The following RELL1 variants were observed in gnomAD, a reference collection of about 807,000 sequenced individuals.
RELL1 encodes the protein RELT like 1.
In RELL1, 10 loss-of-function variants were observed where a neutral mutation model predicts 23.0. The ratio of observed to expected loss-of-function variants is 0.43; its 90% CI spans 0.27 to 0.74. The LOEUF (loss-of-function observed/expected upper bound fraction) is 0.74. RELL1 is among the 30% of genes least tolerant of loss of function. The pLI is 0.19. For synonymous variants in RELL1, 146 were observed against 146.8 expected (o/e 0.99, Z 0.04); for missense variants, 315 against 364.4 (o/e 0.86, Z 1.10).
chr4:37,633,156 C>T (rs915930105), intron 5 of RELL1, among the ~76,000 whole-genome samples: 4 of 152,168 alleles, frequency 2.6e-5, no homozygotes, highest in East Asian at 3.8e-4. Flanking sequence ...CACCTGTAAT[C>T]CCAACACTTT....
chr4:37,649,663 A>G (rs1054210591), intron 1 of RELL1, among the ~76,000 whole-genome samples, 163 bp from the exon 2 acceptor site: 1 of 152,242 alleles, frequency 6.6e-6, no homozygotes, highest in Non-Finnish European at 1.5e-5. Context: ...CCCAGGTTTG[A>G]GCTCAAACAG....
At chr4:37,674,360 G>A (rs1721944217) in intron 1 of RELL1, among the ~76,000 whole-genome samples, 1 of 152,204 alleles carries the variant, frequency 6.6e-6, no homozygotes, top group Admixed American at 6.5e-5. Context: ...CTATTAAAAA[G>A]GGCTGAGTTG....
chr4:37,651,953 G>A (rs765274471), intron 1 of RELL1, among the ~76,000 whole-genome samples: 3 of 152,248 alleles, frequency 2.0e-5, no homozygotes, highest in Non-Finnish European at 4.4e-5. Context: ...GTGGGTACAA[G>A]CTATACCACA....
At chr4:37,657,870 C>T (rs1721181355) in intron 1 of RELL1, among the ~76,000 whole-genome samples, 5 of 152,082 alleles carry the variant, frequency 3.3e-5, no homozygotes, top group African/African-American at 1.2e-4. Flanking sequence ...CATGATTGTG[C>T]CACTCTACTG....
At chr4:37,660,542 C>A (rs550035008) in intron 1 of RELL1, among the ~76,000 whole-genome samples, 1 of 152,294 alleles carries the variant, frequency 6.6e-6, no homozygotes, top group Non-Finnish European at 1.5e-5. Flanking sequence ...TGGCTATTTA[C>A]ACACACTCTC....
At chr4:37,672,366 T>C (rs1229135157) in intron 1 of RELL1, among the ~76,000 whole-genome samples, 2 of 151,996 alleles carry the variant, frequency 1.3e-5, no homozygotes, top group Non-Finnish European at 2.9e-5. Flanking sequence ...TTCCTATCAC[T>C]CAAGAAATCC....
At chr4:37,666,971 A>T (rs1456990497) in intron 1 of RELL1, among the ~76,000 whole-genome samples, 1 of 152,190 alleles carries the variant, frequency 6.6e-6, no homozygotes, top group Non-Finnish European at 1.5e-5. Flanking sequence ...AGCTCCAAGG[A>T]TCTGTCCCGG....
intron 1 of RELL1, among the ~76,000 whole-genome samples, chr4:37,664,372 CA>C (rs11286230): frequency 0.29 from 38,490 of 134,224 alleles, 5,304 homozygotes; most frequent in African/African-American, 0.41. Context: ...GACTCCATCT[CA>C]AAAAAAAAAA....
intron 1 of RELL1, among the ~76,000 whole-genome samples, chr4:37,658,555 A>G (rs1430098424): frequency 6.6e-6 from 1 of 152,182 alleles, no homozygotes; most frequent in African/African-American, 2.4e-5. Flanking sequence ...AATATTCCCA[A>G]CATCAAGGTC....
intron 6 of RELL1, among the ~76,000 whole-genome samples, chr4:37,630,318 T>G (rs1195636416): frequency 6.6e-6 from 1 of 150,798 alleles, no homozygotes; most frequent in Non-Finnish European, 1.5e-5. Flanking sequence ...GTTAAGCCAC[T>G]ATCAATTTAT....
intron 6 of RELL1, among the ~76,000 whole-genome samples, chr4:37,618,709 T>C (rs1253859052): frequency 6.6e-6 from 1 of 152,230 alleles, no homozygotes; most frequent in Non-Finnish European, 1.5e-5. Flanking sequence ...ATGCATGATA[T>C]TTATTAATTG....
chr4:37,604,164 G>A (rs1719089535), intron 6 of RELL1, among the ~76,000 whole-genome samples: 2 of 152,070 alleles, frequency 1.3e-5, no homozygotes, highest in African/African-American at 4.8e-5. Context: ...CCGTCACCAT[G>A]GGGAACAGAA....
At chr4:37,671,115 C>T (rs1218190521) in intron 1 of RELL1, among the ~76,000 whole-genome samples, 4 of 152,206 alleles carry the variant, frequency 2.6e-5, no homozygotes, top group African/African-American at 9.7e-5. Context: ...GTTAAATACT[C>T]AATCCCACAA....
chr4:37,626,785 A>G (rs1719967030), intron 6 of RELL1, among the ~76,000 whole-genome samples: 1 of 152,088 alleles, frequency 6.6e-6, no homozygotes, highest in Admixed American at 6.5e-5. Context: ...AGCCAGGCAC[A>G]GAACGACAAA....
intron 1 of RELL1, among the ~76,000 whole-genome samples, chr4:37,654,880 C>T (rs945820654): frequency 4.0e-5 from 6 of 151,602 alleles, no homozygotes; most frequent in African/African-American, 9.7e-5. Context: ...AAAATAAAAA[C>T]GCATGAAGGT....
chr4:37,671,260 G>A (rs1320027282), intron 1 of RELL1, among the ~76,000 whole-genome samples: 1 of 152,180 alleles, frequency 6.6e-6, no homozygotes, highest in African/African-American at 2.4e-5. Context: ...TATCAGAGGC[G>A]TTTGAACCAG....
At chr4:37,608,697 G>A (rs530177800), downstream of RELL1, among the ~76,000 whole-genome samples, 3 of 148,308 alleles carry the variant, frequency 2.0e-5, no homozygotes, top group South Asian at 6.4e-4. Context: ...CCAGGCTGGT[G>A]TGCAGTGACT....
chr4:37,643,019 T>C (rs12499505), intron 3 of RELL1, among the ~76,000 whole-genome samples: 7,866 of 152,204 alleles, frequency 0.052, 268 homozygotes, highest in Non-Finnish European at 0.072. Flanking sequence ...TTTCCCTGAG[T>C]CCTGTAACCC....
intron 4 of RELL1, among the ~76,000 whole-genome samples, chr4:37,637,782 T>C (rs1261829813): frequency 2.0e-5 from 3 of 152,258 alleles, no homozygotes; most frequent in Non-Finnish European, 4.4e-5. Flanking sequence ...TACAGTTCTC[T>C]GTAATTAATT....
Sources: allele counts gnomAD v4.1 joint callset (sites outside exome capture counted in the v4.1 genomes callset), GRCh38; gene constraint gnomAD v4.1.1; transcripts MANE v1.5; gene names NCBI Gene and HGNC (gene_info 2026-07-23, HGNC 2026-07-21).